Variants in ATF2 observed in about 807,000 individuals in gnomAD.
ATF2 encodes activating transcription factor 2.
A neutral mutation model predicts 60.6 loss-of-function variants in ATF2; 24 were observed. That is an observed-to-expected ratio of 0.40 (90% CI 0.29 to 0.56). ATF2 has a LOEUF of 0.56. ATF2 is among the 20% of genes least tolerant of loss of function. The pLI is 0.54. For synonymous variants in ATF2, 206 were observed against 215.4 expected (o/e 0.96, Z 0.38); for missense variants, 433 against 607.7 (o/e 0.71, Z 3.02).
At chr2:175,130,883 G>C (rs1194990912) in intron 3 of ATF2, among the ~76,000 whole-genome samples, 1 of 152,072 alleles carries the variant, frequency 6.6e-6, no homozygotes, top group African/African-American at 2.4e-5. Context: ...CCAACTTTTT[G>C]TTAGTGGTAT....
chr2:175,091,788 G>A (rs1273488719), intron 12 of ATF2, among the ~76,000 whole-genome samples: 1 of 152,186 alleles, frequency 6.6e-6, no homozygotes, highest in Non-Finnish European at 1.5e-5. Flanking sequence ...ACTGGCACCC[G>A]GGAGCTGGAG....
chr2:175,102,695 G>T (rs948462930), intron 10 of ATF2, among the ~76,000 whole-genome samples: 1 of 151,550 alleles, frequency 6.6e-6, no homozygotes, highest in African/African-American at 2.4e-5. Context: ...CTTGAGCCCA[G>T]AAGTTTGAGG....
In ATF2 at chr2:175,095,659, T is replaced by C. The variant is rs984300748; in HGVS notation, c.978+1785A>G. Among the ~76,000 whole-genome samples, 9 of 152,288 alleles carry C rather than the reference T, an allele frequency of 5.9e-5. No individual in the cohort carries two copies. The South Asian group carries it at 1.2e-3, about 21-fold the overall frequency. Reference sequence around the variant, plus strand: ...TTCTATTTCATTCAGAAAATCCTTATAGGAACTATTCTAGAAACTAAGTAT... The same window carrying C: ...TTCTATTTCATTCAGAAAATCCTTACAGGAACTATTCTAGAAACTAAGTAT... On this transcript the variant is annotated intron_variant, in intron 11 of 13. Transcript: ENST00000264110.
intron 1 of ATF2, among the ~76,000 whole-genome samples, chr2:175,151,944 A>G (rs1699339880): frequency 6.6e-6 from 1 of 152,220 alleles, no homozygotes; most frequent in African/African-American, 2.4e-5. Context: ...GCCTCCCTTT[A>G]AGGAAATTTT....
At chr2:175,127,082 G>T (rs1697388563) in intron 4 of ATF2, 1 of 151,396 alleles carries the variant, frequency 6.6e-6, no homozygotes, top group Non-Finnish European at 1.5e-5. Flanking sequence ...AAAAAACCAA[G>T]CAAAAAATTA....
At chr2:175,144,592 G>A (rs112488902) in intron 2 of ATF2, among the ~76,000 whole-genome samples, 1 of 152,228 alleles carries the variant, frequency 6.6e-6, no homozygotes, top group African/African-American at 2.4e-5. Flanking sequence ...CTGCACGGGA[G>A]GTAGCTCAGA....
intron 1 of ATF2, among the ~76,000 whole-genome samples, chr2:175,163,077 T>A (rs1037584807): frequency 6.6e-6 from 1 of 152,046 alleles, no homozygotes; most frequent in Middle Eastern, 3.4e-3. Context: ...GAGCTTGCAG[T>A]GAGCCAAGAT....
intron 13 of ATF2, among the ~76,000 whole-genome samples, chr2:175,078,754 T>G (rs1462859136): frequency 4.6e-5 from 7 of 152,366 alleles, no homozygotes; most frequent in African/African-American, 1.7e-4. Flanking sequence ...ATGAAGAGTG[T>G]AAATTTTTCA....
At chr2:175,080,466 C>A in intron 13 of ATF2, 194 bp downstream of exon 13, 1 of 392,674 alleles carries the variant, frequency 2.5e-6, no homozygotes, top group Non-Finnish European at 4.5e-6. Flanking sequence ...AAGCTAGAAA[C>A]AGGAAAACTC....
At chr2:175,085,930 CTT>C (rs1001494044) in intron 12 of ATF2, among the ~76,000 whole-genome samples, 8 of 152,092 alleles carry the variant, frequency 5.3e-5, no homozygotes, top group East Asian at 3.8e-4. Context: ...ATTTGTTACT[CTT>C]TGTTTTAAAA....
intron 12 of ATF2, among the ~76,000 whole-genome samples, chr2:175,091,867 A>C (rs1252103352): frequency 6.6e-6 from 1 of 152,232 alleles, no homozygotes; most frequent in African/African-American, 2.4e-5. Context: ...CGTCTCAAAA[A>C]CAAAAAAACA....
intron 2 of ATF2, among the ~76,000 whole-genome samples, chr2:175,148,806 A>C (rs1212098082): frequency 1.3e-5 from 2 of 152,144 alleles, no homozygotes; most frequent in Non-Finnish European, 2.9e-5. Flanking sequence ...ACCAACTGCC[A>C]ATCAGAAAAT....
chr2:175,149,747 A>C (rs1200353755), intron 2 of ATF2, among the ~76,000 whole-genome samples: 1 of 152,128 alleles, frequency 6.6e-6, no homozygotes, highest in Non-Finnish European at 1.5e-5. Flanking sequence ...ACTACCTCCT[A>C]ACCAGTCTTA....
At chr2:175,130,348 C>A (rs1697642597) in intron 3 of ATF2, 141 bp from the exon 4 acceptor site, 2 of 503,880 alleles carry the variant, frequency 4.0e-6, no homozygotes, top group Admixed American at 4.1e-5. Context: ...CATTTTAATT[C>A]TATCTTTCTT....
chr2:175,117,405 G>A lies in ATF2; in HGVS notation c.447+585C>T, dbSNP rs61628567. Among the ~76,000 whole-genome samples, 438 of 151,942 alleles carry A rather than the reference G, an allele frequency of 2.9e-3. 3 individuals are homozygous for A. The highest frequency in any genetic ancestry group is 9.3e-3 in the African/African-American group (387 of 41,460). ...CTCTTTATGTGTCCCATTGCCCTTC[G>A]CTGTGTCCTGCATGGTACTCCCAAA... On this transcript the variant is annotated intron_variant, in intron 7 of 13. Coordinates refer to ENST00000264110, the MANE Select transcript of ATF2 (RefSeq NM_001880.4).
chr2:175,089,929 T>C (rs1694430700), intron 12 of ATF2, among the ~76,000 whole-genome samples: 5 of 152,186 alleles, frequency 3.3e-5, no homozygotes, highest in Admixed American at 2.6e-4. Context: ...CATTTACCCA[T>C]CTAACTGTAA....
intron 1 of ATF2, 164 bp downstream of exon 1, chr2:175,167,886 C>T: frequency 2.6e-6 from 1 of 390,910 alleles, no homozygotes; most frequent in Non-Finnish European, 5.4e-6. Flanking sequence ...GAGGTGGCAG[C>T]ACAGCCACAA....
intron 3 of ATF2, 45 bp downstream of exon 3, chr2:175,136,367 C>T (rs1698143782): frequency 1.3e-6 from 2 of 1,581,012 alleles, no homozygotes; most frequent in Non-Finnish European, 1.7e-6. Context: ...TTTTACAACC[C>T]AAAATGTAAA....
intron 10 of ATF2, among the ~76,000 whole-genome samples, chr2:175,104,704 A>G (rs933037159): frequency 2.6e-5 from 4 of 152,186 alleles, no homozygotes; most frequent in Non-Finnish European, 2.9e-5. Flanking sequence ...AATTGTTTAT[A>G]TGGTGAGTCT....
Sources: allele counts gnomAD v4.1 joint callset (sites outside exome capture counted in the v4.1 genomes callset), GRCh38; gene constraint gnomAD v4.1.1; transcripts MANE v1.5; gene names NCBI Gene and HGNC (gene_info 2026-07-23, HGNC 2026-07-21).